Variants in PTPRD observed in about 807,000 individuals in gnomAD.
The protein encoded by PTPRD is protein tyrosine phosphatase receptor type D, also known as receptor-type tyrosine-protein phosphatase delta.
In PTPRD, 34 loss-of-function variants were observed where a neutral mutation model predicts 214.5. The observed-to-expected ratio is 0.16, with a 90% CI of 0.12 to 0.21. The LOEUF (loss-of-function observed/expected upper bound fraction) is 0.21. Among genes scored for constraint, PTPRD ranks in the 10% least tolerant of loss-of-function variants. The pLI, the probability that PTPRD is intolerant of heterozygous loss-of-function variation, is 1.00. For synonymous variants in PTPRD, 1,128 were observed against 845.7 expected, an observed-to-expected ratio of 1.33 and a Z score of -5.79; for missense variants, 2,545 against 2,398.7, an observed-to-expected ratio of 1.06 and a Z score of -1.27.
chr9:9,129,746 C>CTGTT (rs2099839708), intron 10 of PTPRD, among the ~76,000 whole-genome samples: 1 of 152,106 alleles, frequency 6.6e-6, no homozygotes, highest in Non-Finnish European at 1.5e-5. Flanking sequence ...CTGGAATATA[C>CTGTT]TGTTTGACTA....
At chr9:8,930,174 T>C (rs1436490536) in intron 11 of PTPRD, among the ~76,000 whole-genome samples, 1 of 151,458 alleles carries the variant, frequency 6.6e-6, no homozygotes, top group African/African-American at 2.4e-5. Context: ...AGTGTTCTTA[T>C]TGTTCAATTC....
intron 12 of PTPRD, among the ~76,000 whole-genome samples, chr9:8,702,903 G>A (rs2098122127): frequency 6.6e-6 from 1 of 152,164 alleles, no homozygotes; most frequent in South Asian, 2.1e-4. Context: ...CACTGCGCCC[G>A]GCCATAAGAT....
chr9:8,349,919 G>A (rs1053769899), intron 39 of PTPRD, among the ~76,000 whole-genome samples: 2 of 141,600 alleles, frequency 1.4e-5, no homozygotes, highest in African/African-American at 2.6e-5. Flanking sequence ...CCAAATTATT[G>A]CTAAACTTTA....
intron 11 of PTPRD, among the ~76,000 whole-genome samples, chr9:8,806,388 A>T (rs897005155): frequency 6.6e-6 from 1 of 152,168 alleles, no homozygotes; most frequent in Admixed American, 6.5e-5. Context: ...CTGCAATCAT[A>T]TAATTTTTTG....
At chr9:9,094,782 C>A (rs990352506) in intron 10 of PTPRD, among the ~76,000 whole-genome samples, 2 of 151,956 alleles carry the variant, frequency 1.3e-5, no homozygotes, top group Non-Finnish European at 2.9e-5. Context: ...ATACAATTTC[C>A]ATACAAACTA....
rs10978013 is a variant in PTPRD at position 9,822,705 on chromosome 9, C to T, written c.-367-55854G>A. Among the ~76,000 whole-genome samples, 10,065 of 151,864 alleles carry T rather than the reference C, an allele frequency of 0.066. 2,032 individuals are homozygous for T. The East Asian group carries it at 0.74, about 11-fold the overall frequency. ...AGAAAATAATCACAACCTACACGTACTACAGATTGAGAATCACTAATCCAA... is the reference window on the plus strand; with the variant it reads ...AGAAAATAATCACAACCTACACGTATTACAGATTGAGAATCACTAATCCAA... On this transcript the variant is annotated intron_variant, in intron 5 of 45. Transcript: ENST00000381196.
At chr9:9,833,490 T>C (rs1056416741) in intron 5 of PTPRD, among the ~76,000 whole-genome samples, 2 of 151,810 alleles carry the variant, frequency 1.3e-5, no homozygotes, top group African/African-American at 2.4e-5. Context: ...GAAATTAAAA[T>C]TGCTAATGAA....
intron 9 of PTPRD, among the ~76,000 whole-genome samples, chr9:9,352,172 C>A (rs1404932451): frequency 6.6e-6 from 1 of 151,762 alleles, no homozygotes; most frequent in Admixed American, 6.6e-5. Flanking sequence ...TCCCTATGTG[C>A]ACATGAAGAG....
At chr9:10,435,929 A>G (rs1167012321) in intron 2 of PTPRD, among the ~76,000 whole-genome samples, 2 of 151,820 alleles carry the variant, frequency 1.3e-5, no homozygotes, top group African/African-American at 4.8e-5. Context: ...CAGACCTTTA[A>G]AAGTACCTAT....
chr9:8,598,434 C>T (rs948998803), intron 14 of PTPRD, among the ~76,000 whole-genome samples: 1 of 151,794 alleles, frequency 6.6e-6, no homozygotes, highest in Admixed American at 6.6e-5. Context: ...GCACTCCAGC[C>T]TAGGCAACAG....
At chr9:8,925,661 C>T (rs1265110561) in intron 11 of PTPRD, among the ~76,000 whole-genome samples, 1 of 138,106 alleles carries the variant, frequency 7.2e-6, no homozygotes, top group African/African-American at 2.7e-5. Flanking sequence ...TATAAATAGT[C>T]TAAGCCAGTA....
chr9:8,888,610 C>G (rs2098511403), intron 11 of PTPRD, among the ~76,000 whole-genome samples: 1 of 152,194 alleles, frequency 6.6e-6, no homozygotes, highest in Non-Finnish European at 1.5e-5. Context: ...ACAATTCACT[C>G]TTCCAAGATT....
chr9:8,812,713 T>C (rs2096835577), intron 11 of PTPRD, among the ~76,000 whole-genome samples: 1 of 151,190 alleles, frequency 6.6e-6, no homozygotes, highest in Non-Finnish European at 1.5e-5. Flanking sequence ...CCTTACAAAC[T>C]CTGGAGAGGA....
rs2096679953 is a variant in PTPRD at position 10,015,241 on chromosome 9, C to G, written c.-472+18477G>C. 3.3e-5 allele frequency among the ~76,000 whole-genome samples: 5 copies of G among 152,232 alleles called. No individual in the cohort carries two copies. In the South Asian group the frequency reaches 1.0e-3, roughly 32 times the overall value. ...CCAGCTTTTTCATTGGTTTAGCTAA[C>G]AATGCCGCTAATTGAATTTTTCAGC... On this transcript the variant is annotated intron_variant, in intron 4 of 45. Coordinates refer to ENST00000381196, the MANE Select transcript of PTPRD (RefSeq NM_002839.4).
At chr9:10,492,324 C>A (rs1169627343) in intron 2 of PTPRD, among the ~76,000 whole-genome samples, 2 of 152,020 alleles carry the variant, frequency 1.3e-5, no homozygotes, top group South Asian at 2.1e-4. Context: ...TTACTCCCCC[C>A]ACCAACAGTG....
chr9:8,859,430 C>G (rs2098047666), intron 11 of PTPRD, among the ~76,000 whole-genome samples: 1 of 152,176 alleles, frequency 6.6e-6, no homozygotes, highest in African/African-American at 2.4e-5. Context: ...CTGGAAGCCA[C>G]CATTGGCAGT....
chr9:9,356,391 T>C (rs2053800983), intron 9 of PTPRD, among the ~76,000 whole-genome samples: 1 of 151,316 alleles, frequency 6.6e-6, no homozygotes, highest in Non-Finnish European at 1.5e-5. Flanking sequence ...ATAACAGCAC[T>C]GGACTTATTT....
intron 2 of PTPRD, among the ~76,000 whole-genome samples, chr9:10,399,657 T>C (rs1431709123): frequency 6.6e-6 from 1 of 151,902 alleles, no homozygotes; most frequent in Non-Finnish European, 1.5e-5. Context: ...TGGAGGCTTG[T>C]TCAGAGAAAA....
At chr9:8,884,816 C>G (rs2098473308) in intron 11 of PTPRD, among the ~76,000 whole-genome samples, 1 of 152,170 alleles carries the variant, frequency 6.6e-6, no homozygotes, top group Non-Finnish European at 1.5e-5. Context: ...ATTCATTTCA[C>G]AAGTATCTGT....
Sources: allele counts gnomAD v4.1 joint callset (sites outside exome capture counted in the v4.1 genomes callset), GRCh38; gene constraint gnomAD v4.1.1; transcripts MANE v1.5; gene names NCBI Gene and HGNC (gene_info 2026-07-23, HGNC 2026-07-21).